The following CCNY variants were observed in gnomAD, a reference collection of about 807,000 sequenced individuals.
CCNY encodes cyclin Y.
In CCNY, 19 loss-of-function variants were observed where a neutral mutation model predicts 42.8. That is an observed-to-expected ratio of 0.44 (90% CI 0.31 to 0.65). The LOEUF (loss-of-function observed/expected upper bound fraction) is 0.65. Among genes scored for constraint, CCNY ranks in the 30% least tolerant of loss-of-function variants. CCNY has a pLI of 0.07. For missense variants in CCNY, 370 were observed against 437.3 expected, an observed-to-expected ratio of 0.85 and a Z score of 1.37; for synonymous variants, 165 against 162.7, an observed-to-expected ratio of 1.01 and a Z score of -0.11.
At chr10:35,483,954 A>G (rs1024117694) in intron 2 of CCNY, among the ~76,000 whole-genome samples, 4 of 152,096 alleles carry the variant, frequency 2.6e-5, no homozygotes, top group Admixed American at 2.0e-4. Context: ...TTCCACCTCT[A>G]TAATAATAAC....
At chr10:35,332,446 T>C (rs111259074), upstream of CCNY, 1 of 152,236 alleles carries the variant, frequency 6.6e-6, no homozygotes, top group African/African-American at 2.4e-5. Context: ...AGGTAGACTA[T>C]TCTTGATTGT....
At chr10:35,517,476 A>G (rs1210345371) in intron 4 of CCNY, among the ~76,000 whole-genome samples, 1 of 152,208 alleles carries the variant, frequency 6.6e-6, no homozygotes, top group Non-Finnish European at 1.5e-5. Flanking sequence ...AAGTGTTTAA[A>G]TTTTAAATAA....
chr10:35,437,303 A>G (rs752899046), intron 1 of CCNY, among the ~76,000 whole-genome samples: 2 of 152,232 alleles, frequency 1.3e-5, no homozygotes, highest in Admixed American at 1.3e-4. Flanking sequence ...CAAAGGCCTA[A>G]TAATTTGAAA....
intron 1 of CCNY, among the ~76,000 whole-genome samples, chr10:35,349,705 C>G (rs1418635350): frequency 1.3e-5 from 2 of 152,134 alleles, no homozygotes; most frequent in Non-Finnish European, 2.9e-5. Context: ...GGGGGGCTGC[C>G]CTATCCATTG....
intron 1 of CCNY, among the ~76,000 whole-genome samples, chr10:35,349,333 C>T (rs1213015767): frequency 6.6e-6 from 1 of 152,164 alleles, no homozygotes; most frequent in Non-Finnish European, 1.5e-5. Context: ...CCCACTCTCC[C>T]ACAACCTCAG....
intron 3 of CCNY, among the ~76,000 whole-genome samples, chr10:35,292,684 G>A (rs1213224695): frequency 4.0e-5 from 6 of 151,106 alleles, no homozygotes; most frequent in Admixed American, 2.0e-4. Context: ...TTTTTATGGC[G>A]TCCAGTTTAT....
chr10:35,537,408 C>G (rs1404856472), intron 7 of CCNY, among the ~76,000 whole-genome samples: 1 of 152,198 alleles, frequency 6.6e-6, no homozygotes, highest in Non-Finnish European at 1.5e-5. Context: ...AAGAGGGCCA[C>G]CATCCTCCAG....
Position 35,312,382 on chromosome 10 carries a change from CAAAAAAA to C in CCNY, c.-9+61776_-9+61782del, listed in dbSNP as rs35909291. 2.6e-4 allele frequency among the ~76,000 whole-genome samples: 16 copies of C among 61,470 alleles called. No individual in the cohort carries two copies. The East Asian group carries it at 2.9e-3, about 11-fold the overall frequency. The allele number at this position is 61,470 out of a possible 152,430, so 40.3% of individuals were successfully genotyped here. On this transcript the variant is annotated intron_variant, in intron 3 of 11. Transcript: ENST00000374706. ...GGCAACAGAGTGAGACTCTGTGTCA[CAAAAAAA>C]AAAAAAAAAAAAAAAAAAATGTTAA...
At chr10:35,358,010 A>C (rs959747447) in intron 1 of CCNY, among the ~76,000 whole-genome samples, 1 of 151,952 alleles carries the variant, frequency 6.6e-6, no homozygotes, top group Non-Finnish European at 1.5e-5. Context: ...TTCTTTTGCT[A>C]TGTCCTTATC....
chr10:35,425,364 C>T (rs1438656025), intron 1 of CCNY, among the ~76,000 whole-genome samples: 1 of 152,160 alleles, frequency 6.6e-6, no homozygotes, highest in Non-Finnish European at 1.5e-5. Context: ...TGGAAGGCGG[C>T]TGTTTAAATT....
intron 4 of CCNY, among the ~76,000 whole-genome samples, 189 bp downstream of exon 4, chr10:35,516,812 T>TA (rs1171700766): frequency 6.6e-6 from 1 of 151,940 alleles, no homozygotes; most frequent in Non-Finnish European, 1.5e-5. Flanking sequence ...GAAATCTTTT[T>TA]AAAAAATGAT....
intron 3 of CCNY, among the ~76,000 whole-genome samples, chr10:35,304,104 A>G (rs1156255876): frequency 1.3e-5 from 2 of 152,030 alleles, no homozygotes; most frequent in African/African-American, 2.4e-5. Flanking sequence ...GAAAGCACCA[A>G]CCCCTCTTCG....
intron 1 of CCNY, among the ~76,000 whole-genome samples, chr10:35,406,742 G>T (rs1268936867): frequency 6.6e-6 from 1 of 152,130 alleles, no homozygotes; most frequent in East Asian, 1.9e-4. Flanking sequence ...ATGAGCTGTT[G>T]GGCGCACCTC....
intron 7 of CCNY, among the ~76,000 whole-genome samples, chr10:35,544,037 G>A (rs1332532547): frequency 6.6e-6 from 1 of 152,208 alleles, no homozygotes; most frequent in Non-Finnish European, 1.5e-5. Context: ...TATTACAAGA[G>A]TCCAAAGTTT....
intron 3 of CCNY, among the ~76,000 whole-genome samples, chr10:35,307,798 G>GTGTGTA (rs1835628828): frequency 1.9e-5 from 1 of 52,120 alleles, no homozygotes; most frequent in African/African-American, 1.2e-4. Context: ...GTGTGTGTGT[G>GTGTGTA]TGTATATATA....
At chr10:35,401,568 ATTTTTTTTTTTT>A (rs540638740) in intron 1 of CCNY, among the ~76,000 whole-genome samples, 32 of 137,806 alleles carry the variant, frequency 2.3e-4, no homozygotes, top group African/African-American at 8.0e-4. Flanking sequence ...CTCCCTCTGA[ATTTTTTTTTTTT>A]TTGCTCAAAA....
intron 1 of CCNY, among the ~76,000 whole-genome samples, chr10:35,343,420 G>A (rs1314189094): frequency 1.2e-4 from 9 of 77,978 alleles, no homozygotes; most frequent in Admixed American, 7.9e-4. Context: ...ACGGAGTTTC[G>A]CTCTTATTGC....
intron 2 of CCNY, among the ~76,000 whole-genome samples, chr10:35,495,815 G>A (rs546739709): frequency 2.0e-5 from 3 of 152,298 alleles, no homozygotes; most frequent in African/African-American, 4.8e-5. Context: ...CGACTTCCCT[G>A]TCAGGGCAGG....
chr10:35,305,743 A>G (rs1274482944), intron 3 of CCNY, among the ~76,000 whole-genome samples: 1 of 152,156 alleles, frequency 6.6e-6, no homozygotes, highest in Non-Finnish European at 1.5e-5. Flanking sequence ...TCCATTTGGA[A>G]AAGATGCTTG....
Sources: allele counts gnomAD v4.1 joint callset (sites outside exome capture counted in the v4.1 genomes callset), GRCh38; gene constraint gnomAD v4.1.1; transcripts MANE v1.5; gene names NCBI Gene and HGNC (gene_info 2026-07-23, HGNC 2026-07-21).